The following NTNG1 variants were observed in gnomAD, a reference collection of about 807,000 sequenced individuals.
The protein encoded by NTNG1 is netrin-G1.
NTNG1 carries 16 observed loss-of-function variants against 54.0 expected under a neutral mutation model. That is an observed-to-expected ratio of 0.30 (90% confidence interval 0.20 to 0.45). NTNG1 has a LOEUF of 0.45. Ranked by LOEUF, NTNG1 falls within the 20% of genes least tolerant of loss-of-function variation. The pLI is 1.00. For missense variants in NTNG1, 530 were observed against 678.7 expected (o/e 0.78, Z 2.43); for synonymous variants, 255 against 263.1 (o/e 0.97, Z 0.30).
At chr1:107,221,251 A>G (rs1660323293) in intron 2 of NTNG1, among the ~76,000 whole-genome samples, 1 of 152,032 alleles carries the variant, frequency 6.6e-6, no homozygotes, top group Admixed American at 6.5e-5. Flanking sequence ...AGCTTTTTTG[A>G]TAAGGCTTTG....
At chr1:107,287,827 C>T (rs1665296496) in intron 2 of NTNG1, among the ~76,000 whole-genome samples, 3 of 151,922 alleles carry the variant, frequency 2.0e-5, no homozygotes, top group Admixed American at 1.3e-4. Flanking sequence ...AAAATGGGTA[C>T]AATACTCCTT....
chr1:107,463,730 C>A (rs1445072583), intron 7 of NTNG1, among the ~76,000 whole-genome samples: 1 of 151,962 alleles, frequency 6.6e-6, no homozygotes. Flanking sequence ...AGTTTACTCA[C>A]CAGTCTATAT....
intron 3 of NTNG1, among the ~76,000 whole-genome samples, chr1:107,388,540 G>T (rs1240184083): frequency 2.0e-5 from 3 of 152,232 alleles, no homozygotes; most frequent in Admixed American, 2.0e-4. Flanking sequence ...TCATGGGATT[G>T]TTGTGAGCTT....
chr1:107,314,811 C>T (rs1667238911), intron 2 of NTNG1, among the ~76,000 whole-genome samples: 1 of 152,132 alleles, frequency 6.6e-6, no homozygotes, highest in Non-Finnish European at 1.5e-5. Context: ...CTTACTAGCT[C>T]AAATTTATTA....
intron 4 of NTNG1, 95 bp downstream of exon 4, chr1:107,395,421 C>A: frequency 8.8e-7 from 1 of 1,138,550 alleles, no homozygotes; most frequent in Non-Finnish European, 1.3e-6. Context: ...TTCCTCTTAC[C>A]AGTTGTCTCA....
intron 7 of NTNG1, among the ~76,000 whole-genome samples, chr1:107,437,004 C>T (rs752343783): frequency 6.6e-6 from 1 of 152,178 alleles, no homozygotes; most frequent in Non-Finnish European, 1.5e-5. Context: ...TTCATCCCCT[C>T]AGTTAGCTGG....
chr1:107,345,483 G>T (rs1315040975), intron 3 of NTNG1, among the ~76,000 whole-genome samples: 1 of 152,138 alleles, frequency 6.6e-6, no homozygotes. Context: ...TACAAACATA[G>T]CAGCAAGGGA....
intron 1 of NTNG1, among the ~76,000 whole-genome samples, chr1:107,142,104 C>T (rs1408262717): frequency 6.6e-6 from 1 of 152,078 alleles, no homozygotes; most frequent in African/African-American, 2.4e-5. Flanking sequence ...TCTTTACTGG[C>T]ATCATATTAA....
chr1:107,239,381 G>T (rs2101571519), intron 2 of NTNG1, among the ~76,000 whole-genome samples: 1 of 152,296 alleles, frequency 6.6e-6, no homozygotes, highest in East Asian at 1.9e-4. Context: ...GGTGGGACAG[G>T]TTTGACATCT....
chr1:107,283,288 A>G (rs1281509544), intron 2 of NTNG1, among the ~76,000 whole-genome samples: 1 of 152,098 alleles, frequency 6.6e-6, no homozygotes, highest in Admixed American at 6.6e-5. Context: ...TTTTTCAGCC[A>G]TGAGTGCTCT....
chr1:107,317,530 A>G (rs1667402450), intron 2 of NTNG1, among the ~76,000 whole-genome samples: 1 of 152,120 alleles, frequency 6.6e-6, no homozygotes, highest in African/African-American at 2.4e-5. Flanking sequence ...ATTGCTATAT[A>G]GGAATCTGTT....
intron 2 of NTNG1, among the ~76,000 whole-genome samples, chr1:107,299,354 C>G (rs1411017266): frequency 6.6e-6 from 1 of 152,130 alleles, no homozygotes; most frequent in Non-Finnish European, 1.5e-5. Flanking sequence ...ATTGTAATAA[C>G]AAAGCATTAT....
intron 2 of NTNG1, among the ~76,000 whole-genome samples, chr1:107,182,392 G>T (rs1274533073): frequency 1.3e-5 from 2 of 151,974 alleles, no homozygotes; most frequent in Non-Finnish European, 2.9e-5. Context: ...ATTTTGCTTT[G>T]CATTTTGTTT....
At chr1:107,399,733 AG>A (rs1383044165) in intron 4 of NTNG1, among the ~76,000 whole-genome samples, 1 of 152,192 alleles carries the variant, frequency 6.6e-6, no homozygotes, top group Non-Finnish European at 1.5e-5. Flanking sequence ...AAAGGGTTAA[AG>A]GGAGGATTTG....
intron 2 of NTNG1, among the ~76,000 whole-genome samples, chr1:107,287,177 T>A (rs570688493): frequency 6.6e-6 from 1 of 152,172 alleles, no homozygotes; most frequent in East Asian, 1.9e-4. Flanking sequence ...GACCAAAAAA[T>A]TGTGCATAGT....
At chr1:107,399,673 A>G (rs938747283) in intron 4 of NTNG1, among the ~76,000 whole-genome samples, 1 of 152,142 alleles carries the variant, frequency 6.6e-6, no homozygotes, top group African/African-American at 2.4e-5. Flanking sequence ...AAACACATGG[A>G]ATATTGTGAT....
intron 3 of NTNG1, among the ~76,000 whole-genome samples, chr1:107,377,885 G>T (rs1243679296): frequency 6.6e-6 from 1 of 152,182 alleles, no homozygotes; most frequent in Non-Finnish European, 1.5e-5. Flanking sequence ...CAGGATCAGG[G>T]CATTCCCAAC....
chr1:107,309,428 T>C (rs1666873038), intron 2 of NTNG1, among the ~76,000 whole-genome samples: 1 of 152,218 alleles, frequency 6.6e-6, no homozygotes, highest in Non-Finnish European at 1.5e-5. Context: ...ATTGATTCTT[T>C]AATTTTTGAG....
intron 2 of NTNG1, among the ~76,000 whole-genome samples, chr1:107,288,184 GATATGC>G (rs1393393974): frequency 6.6e-6 from 1 of 152,156 alleles, no homozygotes; most frequent in Non-Finnish European, 1.5e-5. Flanking sequence ...TGGGATAACT[GATATGC>G]ACATGAGGTA....
Sources: gnomAD v4.1 joint callset for allele counts (sites outside exome capture counted in the v4.1 genomes callset) on GRCh38, gnomAD v4.1.1 for gene constraint, MANE v1.5 for transcripts, NCBI Gene and HGNC (gene_info 2026-07-23, HGNC 2026-07-21) for gene names.